Variants in RTL4 observed in about 807,000 individuals in gnomAD.
The protein encoded by RTL4 is retrotransposon Gag like 4, also known as retrotransposon Gag-like protein 4.
In RTL4, 4 loss-of-function variants were observed where a neutral mutation model predicts 5.3. The observed-to-expected ratio is 0.75, with a 90% confidence interval of 0.37 to 1.72. The LOEUF is 1.72. Ranked by LOEUF, RTL4 falls within the 40% of genes most tolerant of loss-of-function variation. RTL4 has a pLI of 0.04. For missense variants in RTL4, 260 were observed against 227.1 expected, an observed-to-expected ratio of 1.14 and a Z score of -0.93; for synonymous variants, 98 against 87.3, an observed-to-expected ratio of 1.12 and a Z score of -0.68.
chrX:112,175,880 G>A, the RTL4 span, among the ~76,000 whole-genome samples: 3 of 111,215 alleles, frequency 2.7e-5, no homozygotes, highest in Non-Finnish European at 5.6e-5. Context: ...TCTGGCCAGA[G>A]CAGTTAGGCA....
the RTL4 span, among the ~76,000 whole-genome samples, chrX:112,395,432 T>C: frequency 1.8e-5 from 2 of 111,108 alleles, no homozygotes; most frequent in Non-Finnish European, 3.8e-5. Flanking sequence ...ATATATAAAA[T>C]AAAATTTACT....
the RTL4 span, among the ~76,000 whole-genome samples, chrX:112,438,563 C>T: frequency 1.8e-5 from 2 of 112,573 alleles, no homozygotes; most frequent in African/African-American, 6.4e-5. Context: ...CAACTCAAGT[C>T]CTACTCTGAC....
chrX:112,209,635 T>G, the RTL4 span, among the ~76,000 whole-genome samples: 1 of 111,421 alleles, frequency 9.0e-6, no homozygotes, highest in Non-Finnish European at 1.9e-5. Context: ...TTGAGCCACT[T>G]CCTCATGTAA....
chrX:112,113,438 G>A, the RTL4 span, among the ~76,000 whole-genome samples: 1 of 111,741 alleles, frequency 8.9e-6, no homozygotes, highest in East Asian at 2.8e-4. Flanking sequence ...AGAAATACCT[G>A]GTTACAGCTA....
At chrX:112,398,767 G>A in the RTL4 span, among the ~76,000 whole-genome samples, 1 of 112,199 alleles carries the variant, frequency 8.9e-6, no homozygotes, top group South Asian at 3.7e-4. Flanking sequence ...ATATTGAATA[G>A]TAGTTTTCTT....
chrX:112,397,052 C>T, the RTL4 span, among the ~76,000 whole-genome samples: 5 of 111,936 alleles, frequency 4.5e-5, no homozygotes, highest in African/African-American at 1.6e-4. Context: ...TCTACCACCT[C>T]TACTCCCATT....
At chrX:112,200,912 C>T in the RTL4 span, among the ~76,000 whole-genome samples, 21 of 111,365 alleles carry the variant, frequency 1.9e-4, no homozygotes, top group East Asian at 2.5e-3. Flanking sequence ...CAAAGCAAGA[C>T]GAGGGAAAGG....
the RTL4 span, among the ~76,000 whole-genome samples, chrX:112,358,052 G>A: frequency 2.7e-5 from 3 of 110,254 alleles, no homozygotes; most frequent in African/African-American, 9.9e-5. Context: ...TTATAGGAAC[G>A]GGTTTCTACT....
At chrX:112,241,394 G>A in the RTL4 span, among the ~76,000 whole-genome samples, 2 of 111,736 alleles carry the variant, frequency 1.8e-5, no homozygotes, top group African/African-American at 3.3e-5. Flanking sequence ...TCTAACTGAT[G>A]TAAGATGGTA....
chrX:112,201,975 G>C, the RTL4 span, among the ~76,000 whole-genome samples: 3 of 96,175 alleles, frequency 3.1e-5, no homozygotes, highest in Non-Finnish European at 6.2e-5. Context: ...GTGTGTGTTT[G>C]TGTGTGTGTG....
At chrX:112,438,730 G>T in the RTL4 span, among the ~76,000 whole-genome samples, 971 of 112,138 alleles carry the variant, frequency 8.7e-3, 13 homozygotes, top group African/African-American at 0.03. Context: ...AGATTTTTCA[G>T]GTGGTCAATA....
At chrX:112,224,645 G>C in the RTL4 span, among the ~76,000 whole-genome samples, 1 of 111,380 alleles carries the variant, frequency 9.0e-6, no homozygotes, top group Admixed American at 9.6e-5. Flanking sequence ...GGTCTTTCCA[G>C]ACTCTTTAGA....
the RTL4 span, among the ~76,000 whole-genome samples, chrX:112,209,408 T>A: frequency 8.9e-6 from 1 of 112,211 alleles, no homozygotes; most frequent in Non-Finnish European, 1.9e-5. Context: ...TGGGAAGATT[T>A]CCCTACACCG....
the RTL4 span, among the ~76,000 whole-genome samples, chrX:112,089,825 T>C: frequency 9.0e-6 from 1 of 111,327 alleles, no homozygotes; most frequent in Non-Finnish European, 1.9e-5. Context: ...AATCTGTTGA[T>C]AGTTTTGGGA....
At chrX:112,178,176 C>G in the RTL4 span, among the ~76,000 whole-genome samples, 1 of 111,255 alleles carries the variant, frequency 9.0e-6, no homozygotes, top group Non-Finnish European at 1.9e-5. Context: ...TGAGCATACC[C>G]CTGCTGTTTA....
At chrX:112,171,302 G>T in the RTL4 span, among the ~76,000 whole-genome samples, 1 of 111,820 alleles carries the variant, frequency 8.9e-6, no homozygotes, top group Non-Finnish European at 1.9e-5. Flanking sequence ...CTCCTTTTCA[G>T]TTGTTTGGAA....
the RTL4 span, among the ~76,000 whole-genome samples, chrX:112,406,805 T>G: frequency 2.7e-5 from 3 of 110,348 alleles, no homozygotes; most frequent in Non-Finnish European, 1.9e-5. Context: ...GCATCTTGGA[T>G]AGCAGCTCAG....
the RTL4 span, among the ~76,000 whole-genome samples, chrX:112,408,802 AGTAT>A: frequency 1.8e-5 from 2 of 112,544 alleles, no homozygotes; most frequent in African/African-American, 3.2e-5. Context: ...ATGGAGCGCC[AGTAT>A]GTCTGGCAGC....
chrX:112,382,987 T>C, the RTL4 span, among the ~76,000 whole-genome samples: 2 of 112,015 alleles, frequency 1.8e-5, no homozygotes, highest in African/African-American at 6.5e-5. Flanking sequence ...CAAAAAAAGT[T>C]GAAATATTTG....
Sources: gnomAD v4.1 joint callset for allele counts (sites outside exome capture counted in the v4.1 genomes callset) on GRCh38, gnomAD v4.1.1 for gene constraint, MANE v1.5 for transcripts, NCBI Gene and HGNC (gene_info 2026-07-23, HGNC 2026-07-21) for gene names.